The following GALNT17 variants were observed in gnomAD, a reference collection of about 807,000 sequenced individuals.
GALNT17 encodes the protein polypeptide N-acetylgalactosaminyltransferase 17.
In GALNT17, 29 loss-of-function variants were observed where a neutral mutation model predicts 63.7. The ratio of observed to expected loss-of-function variants is 0.46; its 90% confidence interval spans 0.34 to 0.62. The LOEUF (loss-of-function observed/expected upper bound fraction) is 0.62, where lower values mean the gene tolerates loss of function less well. Ranked by LOEUF, GALNT17 falls within the 20% of genes least tolerant of loss-of-function variation. GALNT17 has a pLI of 0.01. For synonymous variants in GALNT17, 305 were observed against 318.3 expected, an observed-to-expected ratio of 0.96 and a Z score of 0.45; for missense variants, 603 against 799.6, an observed-to-expected ratio of 0.75 and a Z score of 2.97.
At chr7:71,503,468 C>T (rs1053811964) in intron 5 of GALNT17, among the ~76,000 whole-genome samples, 6 of 152,256 alleles carry the variant, frequency 3.9e-5, no homozygotes, top group South Asian at 2.1e-4. Context: ...AACTACTGAC[C>T]TCAAGCGATC....
intron 3 of GALNT17, among the ~76,000 whole-genome samples, chr7:71,400,330 A>AT (rs545689504): frequency 3.3e-5 from 5 of 151,912 alleles, no homozygotes; most frequent in East Asian, 3.9e-4. Flanking sequence ...ACATGAGCTC[A>AT]TTTTTTTTAT....
At chr7:71,466,649 A>G (rs995796330) in intron 5 of GALNT17, among the ~76,000 whole-genome samples, 2 of 152,034 alleles carry the variant, frequency 1.3e-5, no homozygotes, top group African/African-American at 4.8e-5. Flanking sequence ...GATGCCTGCT[A>G]CCTGGAGGCT....
intron 5 of GALNT17, among the ~76,000 whole-genome samples, chr7:71,523,557 T>A (rs1434924813): frequency 2.0e-5 from 3 of 151,244 alleles, no homozygotes; most frequent in African/African-American, 7.3e-5. Context: ...GAGTTTGAGA[T>A]CAGCCTGGAC....
intron 6 of GALNT17, among the ~76,000 whole-genome samples, chr7:71,585,663 TC>T (rs1789705234): frequency 6.6e-6 from 1 of 152,096 alleles, no homozygotes; most frequent in Non-Finnish European, 1.5e-5. Context: ...TATGTCTAAA[TC>T]CATTGTCATT....
At chr7:71,396,913 C>G (rs970948983) in intron 3 of GALNT17, among the ~76,000 whole-genome samples, 4 of 151,924 alleles carry the variant, frequency 2.6e-5, no homozygotes, top group African/African-American at 9.7e-5. Context: ...ATTTTTGCAT[C>G]ATTTATTGTT....
At chr7:71,522,278 A>T (rs1788542808) in intron 5 of GALNT17, among the ~76,000 whole-genome samples, 1 of 152,184 alleles carries the variant, frequency 6.6e-6, no homozygotes. Context: ...CAGAAAATGC[A>T]GGTTTTTATT....
intron 5 of GALNT17, among the ~76,000 whole-genome samples, chr7:71,443,385 A>T (rs2116524583): frequency 6.6e-6 from 1 of 152,274 alleles, no homozygotes; most frequent in Admixed American, 6.5e-5. Flanking sequence ...CTGAAATTTG[A>T]TCCGCAGTGT....
chr7:71,646,096 C>T (rs1226174355), intron 6 of GALNT17, among the ~76,000 whole-genome samples: 22 of 152,142 alleles, frequency 1.4e-4, no homozygotes, highest in South Asian at 4.1e-4. Flanking sequence ...GGCATTTTGC[C>T]TCCAAGTTCC....
At chr7:71,397,303 G>A (rs1331545018) in intron 3 of GALNT17, among the ~76,000 whole-genome samples, 1 of 152,102 alleles carries the variant, frequency 6.6e-6, no homozygotes, top group East Asian at 1.9e-4. Context: ...CTATTGTGTG[G>A]ACCAGGTACT....
rs539409068 is a variant in GALNT17 at position 71,134,902 on chromosome 7, A to G, written c.238+1862A>G. Among the ~76,000 whole-genome samples, 4 of 117,544 alleles carry G rather than the reference A, an allele frequency of 3.4e-5. No homozygotes were observed. The East Asian group carries it at 1.2e-3, about 36-fold the overall frequency. 77.1% of individuals were successfully genotyped at this position (117,544 alleles called of 152,430 possible). A position where few individuals can be genotyped will look rare whatever the true frequency, so the allele number is the denominator to read the frequency against. ...CTTCTCGCTCTGTCCCCCTGGCTGG[A>G]GTGCAGTGGTGCAATCATAGCTCAC... On this transcript the variant is annotated intron_variant, in intron 1 of 10. Transcript: ENST00000333538.
intron 9 of GALNT17, among the ~76,000 whole-genome samples, chr7:71,697,631 A>G (rs1319395825): frequency 6.6e-6 from 1 of 152,292 alleles, no homozygotes; most frequent in Non-Finnish European, 1.5e-5. Flanking sequence ...GGCAACAGTG[A>G]GCATCATCAT....
At chr7:71,356,715 C>T (rs1030212306) in intron 2 of GALNT17, among the ~76,000 whole-genome samples, 2 of 152,156 alleles carry the variant, frequency 1.3e-5, no homozygotes, top group Non-Finnish European at 2.9e-5. Context: ...CCGCCTCCAA[C>T]TTTGGGAATC....
intron 6 of GALNT17, among the ~76,000 whole-genome samples, chr7:71,598,111 T>C (rs552579113): frequency 5.5e-4 from 83 of 152,142 alleles, no homozygotes; most frequent in Admixed American, 2.3e-3. Context: ...GCCCGGCTAA[T>C]TTTTGTATTT....
chr7:71,465,451 T>G (rs1787519707), intron 5 of GALNT17, among the ~76,000 whole-genome samples: 1 of 152,196 alleles, frequency 6.6e-6, no homozygotes, highest in Admixed American at 6.5e-5. Flanking sequence ...AGAAAAGCTT[T>G]ATGATAACTT....
chr7:71,184,381 G>A (rs1014496089), intron 1 of GALNT17, among the ~76,000 whole-genome samples: 11 of 131,966 alleles, frequency 8.3e-5, no homozygotes, highest in African/African-American at 4.7e-4. Context: ...TAGCTTGAGT[G>A]CTGGGGCCAA....
intron 1 of GALNT17, among the ~76,000 whole-genome samples, chr7:71,270,279 A>C (rs1055000292): frequency 6.6e-6 from 1 of 152,012 alleles, no homozygotes; most frequent in Non-Finnish European, 1.5e-5. Context: ...TCTATCTCTC[A>C]ATTTTTTATT....
At chr7:71,421,841 T>G (rs904804062) in intron 5 of GALNT17, among the ~76,000 whole-genome samples, 1 of 151,844 alleles carries the variant, frequency 6.6e-6, no homozygotes, top group Non-Finnish European at 1.5e-5. Flanking sequence ...TCCCAGCTAC[T>G]TGGGAGGCTG....
In GALNT17 at chr7:71,697,153, T is replaced by G. The variant is rs553699446; in HGVS notation, c.1501-13608T>G. ...TGAAAAGGTAAGTGGGACCATAGAG[T>G]AAAAAGTCATGGTAGAAAGTTTATT... On this transcript the variant is annotated intron_variant, in intron 9 of 10. Coordinates refer to ENST00000333538, the MANE Select transcript of GALNT17 (RefSeq NM_022479.3). Among the ~76,000 whole-genome samples the G allele has an allele frequency of 1.2e-4, 18 of 151,354 alleles. 1 individual carries two copies. The South Asian group carries it at 3.6e-3, about 30-fold the overall frequency.
At chr7:71,195,737 T>C (rs951269399) in intron 1 of GALNT17, among the ~76,000 whole-genome samples, 1 of 151,902 alleles carries the variant, frequency 6.6e-6, no homozygotes, top group African/African-American at 2.4e-5. Context: ...TTTGTAGAGA[T>C]AGAGTCTTGC....
Sources: allele counts gnomAD v4.1 joint callset (sites outside exome capture counted in the v4.1 genomes callset), GRCh38; gene constraint gnomAD v4.1.1; transcripts MANE v1.5; gene names NCBI Gene and HGNC (gene_info 2026-07-23, HGNC 2026-07-21).